The following SH3RF3 variants were observed in gnomAD, a reference collection of about 807,000 sequenced individuals.
SH3RF3 encodes E3 ubiquitin-protein ligase SH3RF3.
In SH3RF3, 29 loss-of-function variants were observed where a neutral mutation model predicts 66.3. The ratio of observed to expected loss-of-function variants is 0.44; its 90% CI spans 0.33 to 0.60. The LOEUF is 0.60. Ranked by LOEUF, SH3RF3 falls within the 20% of genes least tolerant of loss-of-function variation. The pLI, the probability that SH3RF3 is intolerant of heterozygous loss-of-function variation, is 0.04. For missense variants in SH3RF3, 1,194 were observed against 1,190.9 expected (o/e 1.00, Z -0.04); for synonymous variants, 583 against 532.0 (o/e 1.10, Z -1.32).
chr2:109,445,711 C>T (rs1677684333), intron 7 of SH3RF3, among the ~76,000 whole-genome samples: 1 of 151,782 alleles, frequency 6.6e-6, no homozygotes, highest in Non-Finnish European at 1.5e-5. Context: ...CTGGTGGGAC[C>T]CAGAGTCCTT....
At chr2:109,143,627 G>A (rs1475010045) in intron 1 of SH3RF3, among the ~76,000 whole-genome samples, 3 of 152,082 alleles carry the variant, frequency 2.0e-5, no homozygotes, top group Non-Finnish European at 1.5e-5. Context: ...GGTGGTGCAT[G>A]CCTGTAGTCC....
At chr2:109,186,541 C>G (rs1678190255) in intron 1 of SH3RF3, among the ~76,000 whole-genome samples, 1 of 152,328 alleles carries the variant, frequency 6.6e-6, no homozygotes. Flanking sequence ...AAAGTCAATT[C>G]TGTTTTTGAC....
intron 1 of SH3RF3, among the ~76,000 whole-genome samples, chr2:109,255,206 T>G (rs1680193264): frequency 2.6e-5 from 4 of 152,284 alleles, no homozygotes; most frequent in African/African-American, 7.2e-5. Flanking sequence ...CTAATCAATT[T>G]AGGCAACCTG....
At chr2:109,467,724 G>C (rs1490672756) in intron 8 of SH3RF3, among the ~76,000 whole-genome samples, 1 of 152,244 alleles carries the variant, frequency 6.6e-6, no homozygotes, top group African/African-American at 2.4e-5. Context: ...TTGAGGATGA[G>C]CGTTTGAAGC....
chr2:109,486,758 G>T (rs1188504242), intron 8 of SH3RF3, among the ~76,000 whole-genome samples: 3 of 152,294 alleles, frequency 2.0e-5, no homozygotes, highest in Non-Finnish European at 2.9e-5. Flanking sequence ...CAGGCTGAGG[G>T]CACTGGGTGG....
intron 1 of SH3RF3, among the ~76,000 whole-genome samples, chr2:109,141,111 C>T (rs954891306): frequency 6.6e-6 from 1 of 152,180 alleles, no homozygotes; most frequent in African/African-American, 2.4e-5. Flanking sequence ...TTTTAGTCGA[C>T]TTCATCCAGG....
intron 1 of SH3RF3, among the ~76,000 whole-genome samples, chr2:109,336,031 T>C (rs1296551219): frequency 6.6e-6 from 1 of 152,174 alleles, no homozygotes; most frequent in Non-Finnish European, 1.5e-5. Flanking sequence ...CTGGAACCCA[T>C]CAGGAAAAGC....
At chr2:109,422,173 C>T (rs951903001) in intron 5 of SH3RF3, among the ~76,000 whole-genome samples, 1 of 152,212 alleles carries the variant, frequency 6.6e-6, no homozygotes, top group Non-Finnish European at 1.5e-5. Flanking sequence ...ATGAGATGTG[C>T]TGTCGTTGCA....
rs146412633 is a variant in SH3RF3, at chr2:109,461,178, A to T, written c.2148+11689A>T. 2.0e-5 allele frequency among the ~76,000 whole-genome samples: 3 copies of T among 152,352 alleles called. No homozygotes were observed. The East Asian group carries it at 5.8e-4, about 29-fold the overall frequency. On this transcript the variant is annotated intron_variant, in intron 8 of 9. Transcript: ENST00000309415. ...GTCCACCCTTCCATTTGGTCATGGA[A>T]TGCTGCTGTGCACGCCCAGCTTTAT...
chr2:109,138,803 T>C (rs896876499), intron 1 of SH3RF3, among the ~76,000 whole-genome samples: 1 of 152,222 alleles, frequency 6.6e-6, no homozygotes, highest in Non-Finnish European at 1.5e-5. Context: ...GTGATGTTAA[T>C]AATTAATTCA....
At chr2:109,497,707 C>T (rs946135815) in intron 9 of SH3RF3, among the ~76,000 whole-genome samples, 1 of 152,210 alleles carries the variant, frequency 6.6e-6, no homozygotes, top group Non-Finnish European at 1.5e-5. Context: ...TGGACAGAAA[C>T]GTTAAACACT....
chr2:109,449,157 AC>A lies in SH3RF3; in HGVS notation c.1829-9del. On this transcript the variant is annotated splice_polypyrimidine_tract_variant and intron_variant, in intron 7 of 9. Transcript: ENST00000309415. ...AACCTTTCAACCTGCTGTCTCTCCA[AC>A]CCCGTCTCCAGCTGCCCACTCTGCA... is the stretch of plus-strand genomic sequence containing the variant. 3.1e-6 allele frequency: 5 copies of A among 1,611,482 alleles called. No individual in the cohort carries two copies. The highest frequency in any genetic ancestry group is 4.2e-6 in the Non-Finnish European group (5 of 1,179,088).
chr2:109,437,202 A>C (rs968812935), intron 7 of SH3RF3, 56 bp downstream of exon 7: 91 of 1,542,760 alleles, frequency 5.9e-5, no homozygotes, highest in Non-Finnish European at 6.9e-5. Context: ...TTCCTGGGAC[A>C]TGCTTGTGAG....
At chr2:109,207,271 T>G (rs983630138) in intron 1 of SH3RF3, among the ~76,000 whole-genome samples, 2 of 152,180 alleles carry the variant, frequency 1.3e-5, no homozygotes, top group African/African-American at 4.8e-5. Flanking sequence ...TGGTGTATGG[T>G]AATCATTAGA....
chr2:109,489,714 CAA>C (rs1437392694), intron 8 of SH3RF3, among the ~76,000 whole-genome samples: 1 of 133,356 alleles, frequency 7.5e-6, no homozygotes, highest in Non-Finnish European at 1.5e-5. Context: ...GAAAGGAAAA[CAA>C]GTGTCGGACA....
At chr2:109,341,949 CAG>C (rs140153148) in intron 1 of SH3RF3, among the ~76,000 whole-genome samples, 1,728 of 152,294 alleles carry the variant, frequency 0.011, 28 homozygotes, top group African/African-American at 0.04. Flanking sequence ...AAGTGGGTAT[CAG>C]GGGTCATTAG....
intron 1 of SH3RF3, among the ~76,000 whole-genome samples, chr2:109,185,768 T>A (rs1380184215): frequency 6.6e-6 from 1 of 152,238 alleles, no homozygotes; most frequent in African/African-American, 2.4e-5. Context: ...TATTGTGATT[T>A]CAAATTAACT....
chr2:109,366,370 C>G (rs1683152625), intron 2 of SH3RF3, among the ~76,000 whole-genome samples: 1 of 152,270 alleles, frequency 6.6e-6, no homozygotes, highest in South Asian at 2.1e-4. Context: ...TCTATATGTA[C>G]TGTCACTAAA....
At chr2:109,341,980 C>G (rs562188763) in intron 1 of SH3RF3, among the ~76,000 whole-genome samples, 34 of 152,318 alleles carry the variant, frequency 2.2e-4, no homozygotes, top group African/African-American at 7.0e-4. Context: ...GACCCATTCT[C>G]AGACCCCGCA....
Sources: allele counts gnomAD v4.1 joint callset (sites outside exome capture counted in the v4.1 genomes callset), GRCh38; gene constraint gnomAD v4.1.1; transcripts MANE v1.5; gene names NCBI Gene and HGNC (gene_info 2026-07-23, HGNC 2026-07-21).